Variants in RALYL observed in about 807,000 individuals in gnomAD.
RALYL encodes the protein RALY RNA binding protein like, also known as RNA-binding Raly-like protein.
Under a neutral mutation model 35.1 loss-of-function variants are expected in RALYL, and 29 were observed. The observed-to-expected ratio is 0.83, with a 90% CI of 0.61 to 1.13. RALYL has a LOEUF of 1.13. Among genes scored for constraint, RALYL ranks in the 50% most tolerant of loss-of-function variants. The probability of loss-of-function intolerance (pLI) is 0.00; values close to 1 mark genes in which losing one functional copy is unlikely to be tolerated. For synonymous variants in RALYL, 120 were observed against 127.6 expected (o/e 0.94, Z 0.40); for missense variants, 359 against 360.4 (o/e 1.00, Z 0.03).
intron 1 of RALYL, among the ~76,000 whole-genome samples, chr8:84,211,505 A>G (rs982782592): frequency 7.2e-5 from 11 of 152,080 alleles, no homozygotes; most frequent in African/African-American, 2.4e-4. Flanking sequence ...GCTTCCTCCC[A>G]TAATATTTTT....
chr8:84,209,710 C>T lies in RALYL; in HGVS notation c.-24+25286C>T, dbSNP rs1818984913. Among the ~76,000 whole-genome samples, 2 of 152,102 alleles carry T rather than the reference C, an allele frequency of 1.3e-5. 1 individual carries two copies. Among genetic ancestry groups the T allele is most frequent in the South Asian group, 4.1e-4 (2 of 4,824 alleles). On this transcript the variant is annotated intron_variant, in intron 1 of 8. Coordinates refer to ENST00000521268, the MANE Select transcript of RALYL (RefSeq NM_173848.7). Reference sequence around the variant, plus strand: ...GTTAGAAGTCCCTCAGTTTGTTTTACAGTGCTATCAGGTGGGAACCAGTGC... The same window carrying T: ...GTTAGAAGTCCCTCAGTTTGTTTTATAGTGCTATCAGGTGGGAACCAGTGC...
At chr8:84,342,444 A>G (rs574647694) in intron 1 of RALYL, among the ~76,000 whole-genome samples, 2 of 150,888 alleles carry the variant, frequency 1.3e-5, no homozygotes, top group Admixed American at 6.6e-5. Context: ...ACAGAGGAAT[A>G]TATAATACAC....
intron 4 of RALYL, among the ~76,000 whole-genome samples, chr8:84,835,929 T>A (rs1467625736): frequency 6.6e-6 from 1 of 151,918 alleles, no homozygotes; most frequent in Non-Finnish European, 1.5e-5. Context: ...AGTAATTGAA[T>A]GAATAGTGAA....
chr8:84,482,145 A>C (rs1255734342), intron 1 of RALYL, among the ~76,000 whole-genome samples: 1 of 152,096 alleles, frequency 6.6e-6, no homozygotes, highest in Non-Finnish European at 1.5e-5. Context: ...ACTTAACAAA[A>C]CCAGAAATTT....
At chr8:84,367,326 T>TGTTTTTG (rs1563800008) in intron 1 of RALYL, among the ~76,000 whole-genome samples, 1 of 21,748 alleles carries the variant, frequency 4.6e-5, no homozygotes. Flanking sequence ...GTATTTTTTT[T>TGTTTTTG]TTTTTTTTTT....
At chr8:84,556,768 T>G (rs571733981) in intron 2 of RALYL, among the ~76,000 whole-genome samples, 1 of 152,262 alleles carries the variant, frequency 6.6e-6, no homozygotes, top group South Asian at 2.1e-4. Context: ...CTGTTTCTAC[T>G]CTTTTTTTTG....
intron 1 of RALYL, among the ~76,000 whole-genome samples, chr8:84,461,168 ATTC>A (rs1475909368): frequency 1.3e-5 from 2 of 151,666 alleles, no homozygotes; most frequent in Non-Finnish European, 3.0e-5. Context: ...CTGAGACTCC[ATTC>A]TTTTAAATGT....
chr8:84,700,740 A>G (rs928743316), intron 2 of RALYL, among the ~76,000 whole-genome samples: 2 of 152,204 alleles, frequency 1.3e-5, no homozygotes, highest in Non-Finnish European at 2.9e-5. Context: ...TAGATTATCT[A>G]CTTACAGGAC....
At chr8:84,263,309 TGAA>T (rs1233716059) in intron 1 of RALYL, among the ~76,000 whole-genome samples, 2 of 152,192 alleles carry the variant, frequency 1.3e-5, no homozygotes, top group East Asian at 3.9e-4. Flanking sequence ...CTGTCATACT[TGAA>T]GTATTTTGAC....
intron 1 of RALYL, among the ~76,000 whole-genome samples, chr8:84,360,001 T>C (rs752365296): frequency 1.3e-4 from 19 of 151,932 alleles, no homozygotes; most frequent in Admixed American, 3.3e-4. Context: ...GCCTCCCAAG[T>C]AGCTAGAACT....
At chr8:84,469,746 C>T (rs1297229184) in intron 1 of RALYL, among the ~76,000 whole-genome samples, 1 of 152,194 alleles carries the variant, frequency 6.6e-6, no homozygotes, top group East Asian at 1.9e-4. Context: ...GCCTAGCTGC[C>T]CCCTTGCAGT....
At chr8:84,398,846 C>T (rs906284798) in intron 1 of RALYL, among the ~76,000 whole-genome samples, 4 of 151,842 alleles carry the variant, frequency 2.6e-5, no homozygotes, top group South Asian at 2.1e-4. Flanking sequence ...TGTTGGCATG[C>T]GCCCGTAGTC....
chr8:84,555,072 C>A (rs1013003094), intron 2 of RALYL, among the ~76,000 whole-genome samples: 16 of 152,066 alleles, frequency 1.1e-4, no homozygotes, highest in South Asian at 4.2e-4. Context: ...CGAGGTCAGG[C>A]GTTCAAGACC....
At chr8:84,692,688 A>T (rs1306440408) in intron 2 of RALYL, among the ~76,000 whole-genome samples, 1 of 152,058 alleles carries the variant, frequency 6.6e-6, no homozygotes, top group African/African-American at 2.4e-5. Context: ...AGTATGTAGC[A>T]TTATTTTGCA....
At chr8:84,918,635 G>A (rs1848840352) in intron 8 of RALYL, among the ~76,000 whole-genome samples, 2 of 152,094 alleles carry the variant, frequency 1.3e-5, no homozygotes, top group African/African-American at 2.4e-5. Context: ...CAATATGAAT[G>A]TCATAGTTTG....
intron 1 of RALYL, among the ~76,000 whole-genome samples, chr8:84,426,164 G>A (rs978625632): frequency 6.6e-6 from 1 of 152,012 alleles, no homozygotes; most frequent in African/African-American, 2.4e-5. Flanking sequence ...ATAGTATAAA[G>A]GTTACTGCAG....
At chr8:84,234,989 T>G (rs1826192000) in intron 1 of RALYL, among the ~76,000 whole-genome samples, 1 of 152,062 alleles carries the variant, frequency 6.6e-6, no homozygotes, top group Non-Finnish European at 1.5e-5. Context: ...GGTCTGGAAC[T>G]TCTGACCTTG....
In RALYL at chr8:84,413,524, CA is replaced by C. The variant is rs375144096; in HGVS notation, c.-23-115774del. Among the ~76,000 whole-genome samples, 617 of 152,048 alleles carry C rather than the reference CA, an allele frequency of 4.1e-3. 6 individuals carry two copies. The highest frequency in any genetic ancestry group is 0.014 in the African/African-American group (583 of 41,536). ...TGTGTAACTTATTTGGACATGTGAA[CA>C]TCTTTCACTATATGTTTTGCATATG... On this transcript the variant is annotated intron_variant, in intron 1 of 8. Coordinates refer to ENST00000521268, the MANE Select transcript of RALYL (RefSeq NM_173848.7).
intron 2 of RALYL, among the ~76,000 whole-genome samples, chr8:84,695,599 A>G (rs1221293511): frequency 6.6e-6 from 1 of 151,800 alleles, no homozygotes; most frequent in East Asian, 1.9e-4. Flanking sequence ...GATGATGGCT[A>G]TTTTATCTTT....
Sources: gnomAD v4.1 joint callset for allele counts (sites outside exome capture counted in the v4.1 genomes callset) on GRCh38, gnomAD v4.1.1 for gene constraint, MANE v1.5 for transcripts, NCBI Gene and HGNC (gene_info 2026-07-23, HGNC 2026-07-21) for gene names.